The following FTCDNL1 variants were observed in gnomAD, a reference collection of about 807,000 sequenced individuals.
FTCDNL1 encodes formiminotransferase cyclodeaminase N-terminal like.
Under a neutral mutation model 5.9 loss-of-function variants are expected in FTCDNL1, and 11 were observed. The ratio of observed to expected loss-of-function variants is 1.87; its 90% CI spans 1.18 to 3.10. FTCDNL1 has a LOEUF of 3.10. Ranked by LOEUF, FTCDNL1 falls within the 30% of genes most tolerant of loss-of-function variation. The pLI is 0.00. For missense variants in FTCDNL1, 115 were observed against 65.5 expected, an observed-to-expected ratio of 1.76 and a Z score of -2.61; for synonymous variants, 58 against 24.8, an observed-to-expected ratio of 2.34 and a Z score of -3.99.
chr2:199,787,711 CATT>C (rs1291284844), intron 3 of FTCDNL1, among the ~76,000 whole-genome samples: 1 of 151,940 alleles, frequency 6.6e-6, no homozygotes, highest in Non-Finnish European at 1.5e-5. Context: ...CAGACGATGA[CATT>C]ATATGGGGGA....
intron 3 of FTCDNL1, among the ~76,000 whole-genome samples, chr2:199,782,936 C>A (rs1699442972): frequency 6.6e-6 from 1 of 152,140 alleles, no homozygotes. Flanking sequence ...TTGGGGTGGT[C>A]ATCCTTAACA....
At position 199,772,692 on chromosome 2, in the gene FTCDNL1, T is replaced by C. The variant is rs542852144; in HGVS notation, c.212-11857A>G. 5.9e-5 allele frequency among the ~76,000 whole-genome samples: 9 copies of C among 152,318 alleles called. No homozygotes were observed. The East Asian group carries it at 1.5e-3, about 26-fold the overall frequency. On this transcript the variant is annotated intron_variant, in intron 3 of 3. Coordinates refer to the FTCDNL1 transcript ENST00000416668. ...TCAATATAGTGGATCAATGTGATGATGTTCAGGACATTCAGATGATTTGGG... is the reference window on the plus strand; with the variant it reads ...TCAATATAGTGGATCAATGTGATGACGTTCAGGACATTCAGATGATTTGGG...
the FTCDNL1 span, among the ~76,000 whole-genome samples, chr2:199,705,703 T>G: frequency 2.6e-5 from 4 of 152,202 alleles, no homozygotes; most frequent in East Asian, 7.7e-4. Flanking sequence ...AGCTGTAGAT[T>G]GTGTGTAGAT....
intron 3 of FTCDNL1, among the ~76,000 whole-genome samples, chr2:199,788,681 TAATAA>T (rs1699776809): frequency 6.6e-6 from 1 of 151,710 alleles, no homozygotes; most frequent in South Asian, 2.1e-4. Flanking sequence ...GAATTAATAA[TAATAA>T]AAGGTGAAAT....
the FTCDNL1 span, among the ~76,000 whole-genome samples, chr2:199,745,263 G>C: frequency 6.6e-6 from 1 of 152,120 alleles, no homozygotes; most frequent in Non-Finnish European, 1.5e-5. Flanking sequence ...AACAAAACAA[G>C]CAAAAATCCC....
chr2:199,787,245 C>T (rs768029345), intron 3 of FTCDNL1, among the ~76,000 whole-genome samples: 1 of 151,762 alleles, frequency 6.6e-6, no homozygotes, highest in African/African-American at 2.4e-5. Flanking sequence ...GCAAGTGGCA[C>T]GATCTTGGCT....
intron 3 of FTCDNL1, among the ~76,000 whole-genome samples, chr2:199,829,801 T>C (rs1276201350): frequency 2.0e-5 from 3 of 152,190 alleles, no homozygotes; most frequent in African/African-American, 7.2e-5. Flanking sequence ...TTCGTTTTGT[T>C]ATATTTCTGA....
chr2:199,744,502 A>C, the FTCDNL1 span, among the ~76,000 whole-genome samples: 1 of 152,106 alleles, frequency 6.6e-6, no homozygotes, highest in African/African-American at 2.4e-5. Context: ...GTACAGCAAG[A>C]AGGTAGCTGT....
chr2:199,736,717 T>C, the FTCDNL1 span, among the ~76,000 whole-genome samples: 1 of 152,242 alleles, frequency 6.6e-6, no homozygotes, highest in South Asian at 2.1e-4. Flanking sequence ...ACTAGTGTCA[T>C]TCGGCATCAC....
the FTCDNL1 span, among the ~76,000 whole-genome samples, chr2:199,719,924 T>A: frequency 1.3e-5 from 2 of 152,198 alleles, no homozygotes; most frequent in Admixed American, 6.5e-5. Context: ...GTTCGTGTCA[T>A]CTATGATTTC....
At chr2:199,829,167 T>G (rs1223160934) in intron 3 of FTCDNL1, among the ~76,000 whole-genome samples, 1 of 152,206 alleles carries the variant, frequency 6.6e-6, no homozygotes, top group Non-Finnish European at 1.5e-5. Flanking sequence ...TCACTCTTTA[T>G]TAAAAGACCA....
chr2:199,844,546 A>G, intron 3 of FTCDNL1: 1 of 519,706 alleles, frequency 1.9e-6, no homozygotes, highest in East Asian at 3.2e-5. Context: ...AAAATGCAAA[A>G]TTGTGAAAAA....
the FTCDNL1 span, among the ~76,000 whole-genome samples, chr2:199,684,258 C>A: frequency 1.3e-5 from 2 of 152,158 alleles, no homozygotes; most frequent in Non-Finnish European, 2.9e-5. Context: ...ACTTTCACAA[C>A]TCATTAGACA....
At chr2:199,759,246 G>A (rs916409698), downstream of FTCDNL1, among the ~76,000 whole-genome samples, 2 of 150,172 alleles carry the variant, frequency 1.3e-5, no homozygotes, top group Admixed American at 6.6e-5. Context: ...GAAAATACTG[G>A]GATTAGGATG....
chr2:199,809,739 C>G lies in FTCDNL1; in HGVS notation c.*2966G>C, dbSNP rs900449769. Among the ~76,000 whole-genome samples, 1 of 152,200 alleles carries G rather than the reference C, an allele frequency of 6.6e-6. No individual in the cohort carries two copies. The highest frequency in any genetic ancestry group is 6.5e-5 in the Admixed American group (1 of 15,280). ...AGTACTTCCTTGAAGTCATGCCCAA[C>G]ACCATCATGCCATCTCCCCAATATA... On this transcript the variant is annotated 3_prime_UTR_variant, in exon 5 of 5. Coordinates refer to ENST00000420128, the MANE Select transcript of FTCDNL1 (RefSeq NM_001363886.2).
downstream of FTCDNL1, among the ~76,000 whole-genome samples, chr2:199,806,406 G>A (rs935596691): frequency 6.6e-6 from 1 of 152,146 alleles, no homozygotes; most frequent in African/African-American, 2.4e-5. Context: ...AGTGGAGCAC[G>A]TACCCTGTCA....
At chr2:199,758,114 T>C (rs1244500933), downstream of FTCDNL1, among the ~76,000 whole-genome samples, 2 of 152,022 alleles carry the variant, frequency 1.3e-5, no homozygotes, top group Non-Finnish European at 1.5e-5. Flanking sequence ...AGGAAAATAA[T>C]GTTTTATTCT....
chr2:199,778,978 G>A (rs1164173815), intron 3 of FTCDNL1, among the ~76,000 whole-genome samples: 1 of 152,098 alleles, frequency 6.6e-6, no homozygotes, highest in East Asian at 1.9e-4. Context: ...TTGGTAAGGA[G>A]GAACACTCAG....
intron 4 of FTCDNL1, among the ~76,000 whole-genome samples, chr2:199,818,010 T>G (rs1701457132): frequency 6.6e-6 from 1 of 152,176 alleles, no homozygotes; most frequent in African/African-American, 2.4e-5. Context: ...AGGTTAAAGT[T>G]TTTCCCAAAT....
Sources: gnomAD v4.1 joint callset for allele counts (sites outside exome capture counted in the v4.1 genomes callset) on GRCh38, gnomAD v4.1.1 for gene constraint, MANE v1.5 for transcripts, NCBI Gene and HGNC (gene_info 2026-07-23, HGNC 2026-07-21) for gene names.